The following ANGPT1 variants were observed in gnomAD, a reference collection of about 807,000 sequenced individuals.
ANGPT1 encodes angiopoietin-1.
ANGPT1 carries 17 observed loss-of-function variants against 62.2 expected under a neutral mutation model. The observed-to-expected ratio is 0.27, with a 90% confidence interval of 0.19 to 0.41. ANGPT1 has a LOEUF of 0.41. Ranked by LOEUF, ANGPT1 falls within the 10% of genes least tolerant of loss-of-function variation. The probability of loss-of-function intolerance (pLI) is 1.00; values close to 1 mark genes in which losing one functional copy is unlikely to be tolerated. For synonymous variants in ANGPT1, 199 were observed against 198.9 expected (o/e 1.00, Z 0.00); for missense variants, 478 against 594.9 (o/e 0.80, Z 2.04).
In ANGPT1 at chr8:107,455,533, T is replaced by A. The variant is rs59481643; in HGVS notation, c.297+41729A>T. Among the ~76,000 whole-genome samples, 1,105 of 152,188 alleles carry A rather than the reference T, an allele frequency of 7.3e-3. 21 individuals are homozygous for A. Among genetic ancestry groups the A allele is most frequent in the African/African-American group, 0.025 (1,056 of 41,560 alleles). On this transcript the variant is annotated intron_variant, in intron 1 of 8. Transcript: ENST00000517746. ...GTGGTTTAATCCTGGCCTTCCATTC[T>A]AGGAATGAAAGTCAAGTAAATACAA...
intron 1 of ANGPT1, among the ~76,000 whole-genome samples, chr8:107,348,857 A>G (rs1323601896): frequency 1.3e-5 from 2 of 152,178 alleles, no homozygotes; most frequent in Non-Finnish European, 2.9e-5. Context: ...ATCACAAATG[A>G]GTACAGGTTC....
intron 7 of ANGPT1, among the ~76,000 whole-genome samples, chr8:107,282,723 G>A (rs534141045): frequency 1.7e-4 from 26 of 151,508 alleles, no homozygotes; most frequent in Non-Finnish European, 3.1e-4. Flanking sequence ...ATATCAGAGT[G>A]TATGCATCAC....
chr8:107,427,264 G>A (rs1246724310), intron 1 of ANGPT1, among the ~76,000 whole-genome samples: 1 of 152,146 alleles, frequency 6.6e-6, no homozygotes, highest in East Asian at 1.9e-4. Context: ...CTGCCTAGGG[G>A]CCAGGGCTGA....
intron 1 of ANGPT1, among the ~76,000 whole-genome samples, chr8:107,403,966 G>T (rs1166036432): frequency 2.0e-5 from 3 of 152,072 alleles, no homozygotes; most frequent in Non-Finnish European, 4.4e-5. Flanking sequence ...AAAATGTTTT[G>T]TTAAGAGATG....
At chr8:107,388,221 C>T (rs189687744) in intron 1 of ANGPT1, among the ~76,000 whole-genome samples, 14 of 151,996 alleles carry the variant, frequency 9.2e-5, no homozygotes, top group East Asian at 5.8e-4. Context: ...TATCTGAGAC[C>T]GGGCAACATA....
At chr8:107,448,362 A>G (rs1367361471) in intron 1 of ANGPT1, among the ~76,000 whole-genome samples, 1 of 152,196 alleles carries the variant, frequency 6.6e-6, no homozygotes, top group East Asian at 1.9e-4. Flanking sequence ...TTGACAGAAC[A>G]AATTAATTCG....
At chr8:107,299,931 T>C (rs1361215159) in intron 5 of ANGPT1, among the ~76,000 whole-genome samples, 5 of 133,620 alleles carry the variant, frequency 3.7e-5, no homozygotes, top group African/African-American at 1.4e-4. Context: ...TATCTAGATA[T>C]GTAGTTATAT....
At chr8:107,328,407 T>C (rs554195177) in intron 3 of ANGPT1, among the ~76,000 whole-genome samples, 226 of 151,854 alleles carry the variant, frequency 1.5e-3, no homozygotes, top group African/African-American at 5.4e-3. Flanking sequence ...GGCAAATAAA[T>C]GTAAAGTTTG....
chr8:107,362,774 A>G (rs934041186), intron 1 of ANGPT1, among the ~76,000 whole-genome samples: 1 of 152,198 alleles, frequency 6.6e-6, no homozygotes, highest in Non-Finnish European at 1.5e-5. Context: ...GCTTTTTCAT[A>G]ATTCTCACCA....
intron 3 of ANGPT1, among the ~76,000 whole-genome samples, chr8:107,327,997 C>T (rs1419623539): frequency 6.6e-6 from 1 of 151,980 alleles, no homozygotes; most frequent in East Asian, 1.9e-4. Flanking sequence ...AAAAGGATAT[C>T]CCTTTCAAAT....
intron 1 of ANGPT1, among the ~76,000 whole-genome samples, chr8:107,435,276 T>G (rs775113593): frequency 6.6e-6 from 1 of 152,172 alleles, no homozygotes; most frequent in African/African-American, 2.4e-5. Context: ...CCAAAAGCTG[T>G]TAAAGAACAT....
intron 1 of ANGPT1, among the ~76,000 whole-genome samples, chr8:107,448,154 T>G (rs904698953): frequency 1.1e-4 from 16 of 152,198 alleles, no homozygotes; most frequent in African/African-American, 3.4e-4. Flanking sequence ...TAACTCTCAT[T>G]AATGTCAAGT....
chr8:107,389,698 A>C (rs1816797964), intron 1 of ANGPT1, among the ~76,000 whole-genome samples: 1 of 152,218 alleles, frequency 6.6e-6, no homozygotes, highest in Non-Finnish European at 1.5e-5. Flanking sequence ...ACCTCTGTGC[A>C]AAAGAGTAGG....
intron 1 of ANGPT1, among the ~76,000 whole-genome samples, chr8:107,352,143 A>C (rs1051930697): frequency 5.9e-5 from 9 of 152,184 alleles, no homozygotes; most frequent in African/African-American, 2.2e-4. Context: ...CAATGTTAAA[A>C]ACAAATTCTG....
intron 1 of ANGPT1, among the ~76,000 whole-genome samples, chr8:107,468,780 T>A (rs138695689): frequency 1.3e-5 from 2 of 152,178 alleles, no homozygotes; most frequent in African/African-American, 2.4e-5. Context: ...ATCCTCCTGA[T>A]TGAGATCAAA....
intron 2 of ANGPT1, among the ~76,000 whole-genome samples, chr8:107,338,681 G>C (rs1815628348): frequency 6.6e-6 from 1 of 152,218 alleles, no homozygotes; most frequent in Non-Finnish European, 1.5e-5. Flanking sequence ...TTTGAAGGTA[G>C]AGTTTGGAGT....
intron 4 of ANGPT1, among the ~76,000 whole-genome samples, chr8:107,320,169 A>G (rs1409831369): frequency 1.3e-5 from 2 of 152,180 alleles, no homozygotes; most frequent in East Asian, 1.9e-4. Flanking sequence ...ATTTTTCAAA[A>G]ATGTTTCTTA....
intron 1 of ANGPT1, among the ~76,000 whole-genome samples, chr8:107,416,035 G>A (rs1810732106): frequency 6.6e-6 from 1 of 152,038 alleles, no homozygotes; most frequent in Non-Finnish European, 1.5e-5. Context: ...TCTTTTCTCT[G>A]CTGTCAAACT....
chr8:107,371,576 T>C (rs1370836655), intron 1 of ANGPT1, among the ~76,000 whole-genome samples: 1 of 2,794 alleles, frequency 3.6e-4, no homozygotes. Context: ...GAGCATTCTT[T>C]TTTTTTTTTT....
Sources: allele counts gnomAD v4.1 joint callset (sites outside exome capture counted in the v4.1 genomes callset), GRCh38; gene constraint gnomAD v4.1.1; transcripts MANE v1.5; gene names NCBI Gene and HGNC (gene_info 2026-07-23, HGNC 2026-07-21).